The following ARL2 variants were observed in gnomAD, a reference collection of about 807,000 sequenced individuals.
ARL2 encodes ADP-ribosylation factor-like protein 2.
In ARL2, 11 loss-of-function variants were observed where a neutral mutation model predicts 22.0. The ratio of observed to expected loss-of-function variants is 0.50; its 90% CI spans 0.31 to 0.83. The LOEUF (loss-of-function observed/expected upper bound fraction) is 0.83, where lower values mean the gene tolerates loss of function less well. ARL2 is among the 40% of genes least tolerant of loss of function. The probability of loss-of-function intolerance (pLI) is 0.04; values close to 1 mark genes in which losing one functional copy is unlikely to be tolerated. For missense variants in ARL2, 216 were observed against 243.2 expected (o/e 0.89, Z 0.74); for synonymous variants, 111 against 100.8 (o/e 1.10, Z -0.61).
intron 3 of ARL2, chr11:65,019,001 G>A (rs1048223355): frequency 2.6e-5 from 35 of 1,372,378 alleles, no homozygotes; most frequent in Middle Eastern, 3.7e-4. Context: ...ACATCACTGG[G>A]CTTTAGGGAG....
rs1418948430 is a variant in ARL2, at chr11:65,018,400, G to T, written c.102G>T (p.Lys34Asn). 1.2e-6 allele frequency: 2 copies of T among 1,609,062 alleles called. No individual in the cohort carries two copies. Among genetic ancestry groups the T allele is most frequent in the Middle Eastern group, 1.7e-4 (1 of 6,020 alleles). The change falls in exon 2 of 5, where the codon AAG becomes AAT. Residue 34 changes from lysine to asparagine, a missense_variant. Lys to Asn is a moderately conservative substitution (Grantham distance 94). Coordinates refer to ENST00000246747, the MANE Select transcript of ARL2 (RefSeq NM_001667.4). This position sits in a 1 kb window ranked among gnomAD's most constrained non-coding sequence, Gnocchi z 4.2. ...ATGCTGGAAAGACAACCATCCTGAAGAAGTTCAATGGGGAGGACATCGACA... is the reference window on the plus strand; with the variant it reads ...ATGCTGGAAAGACAACCATCCTGAATAAGTTCAATGGGGAGGACATCGACA... ...LDNAGKTTILKKFNGEDIDTI... is the reference protein window; with the variant it reads ...LDNAGKTTILNKFNGEDIDTI...
At chr11:65,015,154 C>G (rs1946234988) in intron 1 of ARL2, among the ~76,000 whole-genome samples, 1 of 152,176 alleles carries the variant, frequency 6.6e-6, no homozygotes, top group Non-Finnish European at 1.5e-5. Context: ...GCTCTTGTTG[C>G]CCAGGCTGGA....
chr11:65,015,074 G>A (rs535478962), intron 1 of ARL2, among the ~76,000 whole-genome samples: 1 of 152,182 alleles, frequency 6.6e-6, no homozygotes, highest in South Asian at 2.1e-4. Flanking sequence ...CAAAACTCTG[G>A]GAATATAGGC....
At position 65,014,197 on chromosome 11, in the gene ARL2, C is replaced by T. The variant is rs1946218810; in HGVS notation, c.-11C>T. On this transcript the variant is annotated 5_prime_UTR_variant, in exon 1 of 5. Transcript: ENST00000246747. ...GGAAGAAACGGCGGCCGGGAGGGGG[C>T]TCCGGGGACCATGGGGCTCCTGACC... 2 of 1,561,276 alleles carry T rather than the reference C, an allele frequency of 1.3e-6. No individual in the cohort carries two copies. Among genetic ancestry groups the T allele is most frequent in the African/African-American group, 2.8e-5 (2 of 70,560 alleles).
chr11:65,017,100 G>A (rs962931554), intron 1 of ARL2, among the ~76,000 whole-genome samples: 5 of 152,098 alleles, frequency 3.3e-5, no homozygotes, highest in African/African-American at 1.2e-4. Context: ...AGGCAGAAAT[G>A]GGGGTGAGCA....
Position 65,018,869 on chromosome 11 carries a change from C to T in ARL2, c.339+136C>T. The T allele has an allele frequency of 6.5e-7, 1 of 1,537,516 alleles. No homozygotes were observed. ...TTCTCTGGGCCCCCACCATGGGAGG[C>T]CCATGGTGCCAGAGGCAGGACACAT... On this transcript the variant is annotated intron_variant, in intron 3 of 4. Coordinates refer to ENST00000246747, the MANE Select transcript of ARL2 (RefSeq NM_001667.4). The surrounding 1 kb of genome is among the most constrained non-coding windows in gnomAD (Gnocchi z 4.2).
At chr11:65,014,349 A>T (rs1227748911) in intron 1 of ARL2, 77 bp downstream of exon 1, 1 of 1,302,090 alleles carries the variant, frequency 7.7e-7, no homozygotes, top group Non-Finnish European at 1.0e-6. Context: ...CCCTGTCGGG[A>T]GCGGAACGCG....
intron 4 of ARL2, chr11:65,021,441 G>A: frequency 5.2e-6 from 2 of 382,460 alleles, no homozygotes; most frequent in Non-Finnish European, 9.6e-6. Context: ...AGGGTGTGTG[G>A]GGCTCCTAGC....
At position 65,018,812 on chromosome 11, in the gene ARL2, C is replaced by A. The variant is rs1440498821; in HGVS notation, c.339+79C>A. On this transcript the variant is annotated intron_variant, in intron 3 of 4. Coordinates refer to ENST00000246747, the MANE Select transcript of ARL2 (RefSeq NM_001667.4). This position sits in a 1 kb window ranked among gnomAD's most constrained non-coding sequence, Gnocchi z 4.2. ...GCAGATGCCCAGAGGGGCCCGTGGC[C>A]CCAGAGGGAAACCAGAGGCAGGATC... 1 of 1,582,854 alleles carries A rather than the reference C, an allele frequency of 6.3e-7. No individual in the cohort carries two copies. The highest frequency in any genetic ancestry group is 1.8e-5 in the Admixed American group (1 of 56,044).
intron 4 of ARL2, 77 bp downstream of exon 4, chr11:65,020,576 A>C: frequency 7.0e-7 from 1 of 1,427,594 alleles, no homozygotes. Context: ...TTTATTAAAA[A>C]TAACCAAAAA....
At position 65,022,118 on chromosome 11, in the gene ARL2, C is replaced by T. The variant is rs1362832524; in HGVS notation, c.*263C>T. ...AGGGCTGGGCGGGGAGGAGCTGCTACTGCTGCTACCGAGGCTGTGGGCCTC... is the reference window on the plus strand; with the variant it reads ...AGGGCTGGGCGGGGAGGAGCTGCTATTGCTGCTACCGAGGCTGTGGGCCTC... On this transcript the variant is annotated 3_prime_UTR_variant, in exon 5 of 5. Coordinates refer to ENST00000246747, the MANE Select transcript of ARL2 (RefSeq NM_001667.4). 5 of 504,788 alleles carry T rather than the reference C, an allele frequency of 9.9e-6. No homozygotes were observed. The highest frequency in any genetic ancestry group is 1.9e-5 in the African/African-American group (1 of 52,202). 31.3% of individuals were successfully genotyped at this position (504,788 alleles called of 1,614,324 possible). A position where few individuals can be genotyped will look rare whatever the true frequency, so the allele number is the denominator to read the frequency against.
chr11:65,021,526 A>T (rs660165), intron 4 of ARL2, 195 bp from the exon 5 acceptor site: 346,016 of 609,336 alleles, frequency 0.57, 104,615 homozygotes, highest in African/African-American at 0.7. Flanking sequence ...ACTGGCATGG[A>T]ACTGGACAGA....
rs552337018 is a variant in ARL2, at chr11:65,021,453, C to T, written c.421-268C>T. On this transcript the variant is annotated intron_variant, in intron 4 of 4. Coordinates refer to ENST00000246747, the MANE Select transcript of ARL2 (RefSeq NM_001667.4). Reference sequence around the variant, plus strand: ...GAGAGGGTGTGTGGGGCTCCTAGCACGATGCCCGGATCCTGGTGGATGCTC... The same window carrying T: ...GAGAGGGTGTGTGGGGCTCCTAGCATGATGCCCGGATCCTGGTGGATGCTC... 1.8e-4 allele frequency: 72 copies of T among 410,214 alleles called. No homozygotes were observed. The East Asian group carries it at 2.0e-3, about 12-fold the overall frequency. The allele number at this position is 410,214 out of a possible 1,614,324, so 25.4% of individuals were successfully genotyped here.
chr11:65,021,967 C>A lies in ARL2; in HGVS notation c.*112C>A. On this transcript the variant is annotated 3_prime_UTR_variant, in exon 5 of 5. Transcript: ENST00000246747. ...AAACTAACACTCCCCCTCCTCCACCCCAGCCTGCTGCTGCTACTGCTGCCC... is the reference window on the plus strand; with the variant it reads ...AAACTAACACTCCCCCTCCTCCACCACAGCCTGCTGCTGCTACTGCTGCCC... 1.4e-6 allele frequency: 2 copies of A among 1,434,250 alleles called. No individual in the cohort carries two copies. The highest frequency in any genetic ancestry group is 2.0e-5 in the Admixed American group (1 of 49,452). 88.8% of individuals were successfully genotyped at this position (1,434,250 alleles called of 1,614,324 possible). A position where few individuals can be genotyped will look rare whatever the true frequency, so the allele number is the denominator to read the frequency against.
At chr11:65,019,239 CAAAA>C (rs928198007) in intron 3 of ARL2, 134 of 140,304 alleles carry the variant, frequency 9.6e-4, no homozygotes, top group South Asian at 2.8e-3. Context: ...GACCCTGTCT[CAAAA>C]AAAAAAAAAA....
chr11:65,017,476 G>C (rs926352886), intron 1 of ARL2, among the ~76,000 whole-genome samples: 6 of 152,156 alleles, frequency 3.9e-5, no homozygotes, highest in African/African-American at 1.4e-4. Flanking sequence ...GATTACAGGT[G>C]TGAGCCACCG....
Position 65,018,495 on chromosome 11 carries a change from A to T in ARL2, c.176+21A>T. ...CGAGGGTGAGCAGGGGCCCCATGGG[A>T]GGGCCAGCCCAGAGCAGGGCAGGGA... On this transcript the variant is annotated intron_variant, in intron 2 of 4. Coordinates refer to ENST00000246747, the MANE Select transcript of ARL2 (RefSeq NM_001667.4). This position sits in a 1 kb window ranked among gnomAD's most constrained non-coding sequence, Gnocchi z 4.2. 2 of 1,604,376 alleles carry T rather than the reference A, an allele frequency of 1.2e-6. No individual in the cohort carries two copies. The highest frequency in any genetic ancestry group is 1.7e-6 in the Non-Finnish European group (2 of 1,175,612).
intron 4 of ARL2, among the ~76,000 whole-genome samples, chr11:65,021,072 G>C (rs1235420330): frequency 6.6e-6 from 1 of 152,200 alleles, no homozygotes; most frequent in Non-Finnish European, 1.5e-5. Context: ...AGTGCTTTCA[G>C]TATGCTCTGC....
chr11:65,017,279 TCTGC>T (rs755220120), intron 1 of ARL2, among the ~76,000 whole-genome samples: 1 of 150,634 alleles, frequency 6.6e-6, no homozygotes, highest in Non-Finnish European at 1.5e-5. Context: ...CATTGCAACC[TCTGC>T]CTGCCGGGTT....
Sources: allele counts gnomAD v4.1 joint callset (sites outside exome capture counted in the v4.1 genomes callset), GRCh38; gene constraint gnomAD v4.1.1; non-coding constraint Gnocchi (gnomAD v3.1); transcripts MANE v1.5; gene names NCBI Gene and HGNC (gene_info 2026-07-23, HGNC 2026-07-21).